Variants in CLVS1 observed in about 807,000 individuals in gnomAD.
The protein encoded by CLVS1 is clavesin 1, also known as clavesin-1.
Under a neutral mutation model 33.1 loss-of-function variants are expected in CLVS1, and 10 were observed. That is an observed-to-expected ratio of 0.30 (90% confidence interval 0.19 to 0.51). The LOEUF is 0.51. Ranked by LOEUF, CLVS1 falls within the 20% of genes least tolerant of loss-of-function variation. CLVS1 has a pLI of 0.97. For synonymous variants in CLVS1, 163 were observed against 166.1 expected, an observed-to-expected ratio of 0.98 and a Z score of 0.14; for missense variants, 343 against 433.4, an observed-to-expected ratio of 0.79 and a Z score of 1.85.
At chr8:61,495,359 C>A (rs4738902) in intron 5 of CLVS1, among the ~76,000 whole-genome samples, 84,956 of 152,044 alleles carry the variant, frequency 0.56, 26,834 homozygotes, top group Non-Finnish European at 0.71. Flanking sequence ...GCACATTGCT[C>A]ATAGTCCGTT....
rs77710690 is a variant in CLVS1, at chr8:61,354,958, A to G, written c.456-21647A>G. ...GAACTAAATAAACATATACACATGC[A>G]CACATACAAACAAATTATTACAACT... On this transcript the variant is annotated intron_variant, in intron 2 of 5. Coordinates refer to ENST00000325897, the MANE Select transcript of CLVS1 (RefSeq NM_173519.3). Among the ~76,000 whole-genome samples, 616 of 152,326 alleles carry G rather than the reference A, an allele frequency of 4.0e-3. 5 individuals carry two copies. Among genetic ancestry groups the G allele is most frequent in the African/African-American group, 0.014 (583 of 41,578 alleles).
intron 1 of CLVS1, among the ~76,000 whole-genome samples, chr8:61,290,175 C>T (rs1809934255): frequency 6.6e-6 from 1 of 152,178 alleles, no homozygotes; most frequent in Admixed American, 6.5e-5. Flanking sequence ...GAGCTTCTGT[C>T]TTCCTCTGCT....
At chr8:61,113,358 A>C (rs757429621) in intron 1 of CLVS1, among the ~76,000 whole-genome samples, 1 of 152,190 alleles carries the variant, frequency 6.6e-6, no homozygotes, top group African/African-American at 2.4e-5. Context: ...AGATGAAACA[A>C]GCATCATGTT....
intron 5 of CLVS1, among the ~76,000 whole-genome samples, chr8:61,487,597 G>C (rs16927364): frequency 0.55 from 83,277 of 152,010 alleles, 26,527 homozygotes; most frequent in Non-Finnish European, 0.71. Context: ...GTTCTCATTC[G>C]TGGCAGCCCA....
intron 2 of CLVS1, among the ~76,000 whole-genome samples, chr8:61,247,822 C>T (rs1010235185): frequency 5.9e-5 from 9 of 152,214 alleles, no homozygotes; most frequent in East Asian, 3.9e-4. Flanking sequence ...GCTTTTGTTG[C>T]CATTGTTTCT....
intron 2 of CLVS1, chr8:61,202,857 AGAT>A (rs966546390): frequency 7.1e-5 from 69 of 977,328 alleles, no homozygotes; most frequent in South Asian, 3.2e-4. Flanking sequence ...ATGATGAAGA[AGAT>A]GATGATGATG....
rs748178917 is a variant in CLVS1 at position 61,300,129 on chromosome 8, G to A, written c.302G>A (p.Arg101His). The A allele has an allele frequency of 9.9e-6, 16 of 1,613,930 alleles. No individual in the cohort carries two copies. The highest frequency in any genetic ancestry group is 2.2e-5 in the South Asian group (2 of 91,068). ...FRLLAQYFQY[R>H]QLNLDMFKNF... ...CTCCTGGCTCAGTATTTCCAGTACC[G>A]CCAGCTAAACCTGGACATGTTCAAA... is the stretch of plus-strand genomic sequence containing the variant. The change falls in exon 2 of 6, where the codon CGC (arginine) becomes CAC (histidine). Residue 101 changes from arginine (R) to histidine (H), a missense_variant. By Grantham distance (29) the Arg-to-His change is conservative (BLOSUM62 0). Transcript: ENST00000325897.
intron 2 of CLVS1, among the ~76,000 whole-genome samples, chr8:61,350,754 T>C (rs921691399): frequency 2.0e-5 from 3 of 152,152 alleles, no homozygotes; most frequent in African/African-American, 4.8e-5. Context: ...TAAAAGCTTT[T>C]AGTTAACTAT....
the CLVS1 span, among the ~76,000 whole-genome samples, chr8:61,031,871 C>A: frequency 6.6e-6 from 1 of 150,892 alleles, no homozygotes; most frequent in African/African-American, 2.4e-5. Flanking sequence ...AAAAATGGGG[C>A]GGGGTGGGGG....
chr8:61,273,480 A>G (rs542458236), intron 2 of CLVS1, among the ~76,000 whole-genome samples: 2 of 152,108 alleles, frequency 1.3e-5, no homozygotes, highest in East Asian at 3.9e-4. Flanking sequence ...TGGAGCCTAC[A>G]GAGGCAGGCA....
chr8:61,425,256 T>C (rs1295724143), intron 3 of CLVS1, among the ~76,000 whole-genome samples: 1 of 152,176 alleles, frequency 6.6e-6, no homozygotes, highest in Non-Finnish European at 1.5e-5. Context: ...GTACTTTGCA[T>C]TTCAAAAGAA....
chr8:61,443,929 A>T (rs761587334), intron 3 of CLVS1, among the ~76,000 whole-genome samples: 2 of 152,138 alleles, frequency 1.3e-5, no homozygotes, highest in South Asian at 2.1e-4. Context: ...TGTAATTTTC[A>T]GCATACAAAT....
At chr8:61,137,539 C>G (rs1344737397) in intron 2 of CLVS1, among the ~76,000 whole-genome samples, 4 of 152,188 alleles carry the variant, frequency 2.6e-5, no homozygotes, top group African/African-American at 9.7e-5. Context: ...TTCCTCTCCT[C>G]TAAGCCATCT....
chr8:61,440,785 C>A (rs1404552671), intron 3 of CLVS1, among the ~76,000 whole-genome samples: 1 of 152,208 alleles, frequency 6.6e-6, no homozygotes, highest in African/African-American at 2.4e-5. Flanking sequence ...CCCCTCCTAA[C>A]CTCAAAGGAA....
intron 1 of CLVS1, among the ~76,000 whole-genome samples, chr8:61,095,258 A>T (rs1300087400): frequency 6.6e-6 from 1 of 152,218 alleles, no homozygotes; most frequent in Non-Finnish European, 1.5e-5. Context: ...AACTATGCAA[A>T]ATAGCTCTTG....
intron 2 of CLVS1, among the ~76,000 whole-genome samples, chr8:61,174,897 G>A (rs1807084239): frequency 1.3e-5 from 2 of 152,122 alleles, no homozygotes; most frequent in Admixed American, 6.5e-5. Context: ...GAGTTTTGAG[G>A]GTCAAAAGGT....
intron 2 of CLVS1, among the ~76,000 whole-genome samples, chr8:61,333,560 T>A (rs1439077254): frequency 1.3e-5 from 2 of 152,130 alleles, no homozygotes; most frequent in Non-Finnish European, 2.9e-5. Flanking sequence ...AAATATACTG[T>A]CAACTAAAAA....
At chr8:60,980,366 A>G in the CLVS1 span, among the ~76,000 whole-genome samples, 12 of 152,332 alleles carry the variant, frequency 7.9e-5, no homozygotes, top group Non-Finnish European at 1.5e-4. Flanking sequence ...TTATGTCTCT[A>G]TGTCATAAGA....
At chr8:60,987,742 T>A in the CLVS1 span, among the ~76,000 whole-genome samples, 1 of 152,056 alleles carries the variant, frequency 6.6e-6, no homozygotes, top group Admixed American at 6.6e-5. Flanking sequence ...ATCATTATCA[T>A]GATAAGCATG....
Sources: gnomAD v4.1 joint callset for allele counts (sites outside exome capture counted in the v4.1 genomes callset) on GRCh38, gnomAD v4.1.1 for gene constraint, MANE v1.5 for transcripts, NCBI Gene and HGNC (gene_info 2026-07-23, HGNC 2026-07-21) for gene names.